SLC35F2: variants seen among roughly 807,000 people sequenced by gnomAD.
The protein encoded by SLC35F2 is solute carrier family 35 member F2.
A neutral mutation model predicts 38.1 loss-of-function variants in SLC35F2; 25 were observed. The observed-to-expected ratio is 0.66, with a 90% CI of 0.48 to 0.92. The LOEUF (loss-of-function observed/expected upper bound fraction) is 0.92, where lower values mean the gene tolerates loss of function less well. Ranked by LOEUF, SLC35F2 falls within the 40% of genes least tolerant of loss-of-function variation. The pLI is 0.00. For missense variants in SLC35F2, 409 were observed against 452.9 expected (o/e 0.90, Z 0.88); for synonymous variants, 173 against 181.7 (o/e 0.95, Z 0.38).
chr11:107,827,130 T>G (rs914762334), intron 1 of SLC35F2, among the ~76,000 whole-genome samples: 3 of 152,176 alleles, frequency 2.0e-5, no homozygotes, highest in African/African-American at 7.2e-5. Flanking sequence ...TTAAAAACCT[T>G]ATAGTTTTGA....
At position 107,803,942 on chromosome 11, in the gene SLC35F2, C is replaced by T. The variant is rs553011837; in HGVS notation, c.784+776G>A. ...CCAGGTTCAAGTGATTCTCCTGTCT[C>T]AGCCTCCCGAGTAGCTGAGATTATA... On this transcript the variant is annotated intron_variant, in intron 6 of 7. Coordinates refer to ENST00000525815, the MANE Select transcript of SLC35F2 (RefSeq NM_017515.5). 8.5e-5 allele frequency among the ~76,000 whole-genome samples: 13 copies of T among 152,176 alleles called. No individual in the cohort carries two copies. The South Asian group carries it at 2.7e-3, about 32-fold the overall frequency.
At chr11:107,834,076 T>C (rs1324167625) in intron 1 of SLC35F2, among the ~76,000 whole-genome samples, 2 of 152,160 alleles carry the variant, frequency 1.3e-5, no homozygotes, top group African/African-American at 4.8e-5. Flanking sequence ...TTCAGTACCT[T>C]ATCAGTTAAT....
In SLC35F2 at chr11:107,842,021, G is replaced by A. The variant is rs182447706; in HGVS notation, c.110+16637C>T. Among the ~76,000 whole-genome samples the A allele has an allele frequency of 3.6e-4, 55 of 151,106 alleles. No individual in the cohort carries two copies. In the East Asian group the frequency reaches 0.011, roughly 30 times the overall value. On this transcript the variant is annotated intron_variant, in intron 1 of 7. Transcript: ENST00000525815. ...GTGGAGGTTGCAGTGAGCTGAGATC[G>A]TGCCACTGCACTCCAGCCTAGGTGA...
intron 1 of SLC35F2, chr11:107,840,617 T>C (rs1020579785): frequency 6.6e-6 from 1 of 152,198 alleles, no homozygotes. Flanking sequence ...TCAACTGGCA[T>C]GCAGCTGGAA....
chr11:107,818,647 C>T (rs1300729060), intron 1 of SLC35F2, among the ~76,000 whole-genome samples: 1 of 152,146 alleles, frequency 6.6e-6, no homozygotes, highest in African/African-American at 2.4e-5. Flanking sequence ...TTTGAGAGGG[C>T]CATCCATATT....
At position 107,843,866 on chromosome 11, in the gene SLC35F2, AAAATATATATATATATAT is replaced by A. The variant is rs1298701917; in HGVS notation, c.110+14774_110+14791del. 7.9e-3 allele frequency among the ~76,000 whole-genome samples: 305 copies of A among 38,490 alleles called. 5 individuals carry two copies. The highest frequency in any genetic ancestry group is 0.016 in the South Asian group (14 of 870). 25.3% of individuals were successfully genotyped at this position (38,490 alleles called of 152,430 possible). A position where few individuals can be genotyped will look rare whatever the true frequency, so the allele number is the denominator to read the frequency against. On this transcript the variant is annotated intron_variant, in intron 1 of 7. Coordinates refer to ENST00000525815, the MANE Select transcript of SLC35F2 (RefSeq NM_017515.5). ...TATCTTAAAAAAAAAAAAAAAAAAA[AAAATATATATATATATAT>A]ATATATATATATATATATATATATG... is the stretch of plus-strand genomic sequence containing the variant.
At chr11:107,808,778 C>T (rs989900565) in intron 3 of SLC35F2, among the ~76,000 whole-genome samples, 10 of 152,148 alleles carry the variant, frequency 6.6e-5, no homozygotes, top group African/African-American at 2.2e-4. Context: ...AAACATTAAA[C>T]GATGCAAATG....
At position 107,792,582 on chromosome 11, in the gene SLC35F2, C is replaced by G. The variant is rs755966535; in HGVS notation, c.*33G>C. The G allele has an allele frequency of 5.2e-5, 82 of 1,571,764 alleles. No homozygotes were observed. The highest frequency in any genetic ancestry group is 6.3e-5 in the Non-Finnish European group (73 of 1,160,482). On this transcript the variant is annotated 3_prime_UTR_variant, in exon 8 of 8. Coordinates refer to ENST00000525815, the MANE Select transcript of SLC35F2 (RefSeq NM_017515.5). ...CAGCAGGCAGCAGGCTCTGCTTTAT[C>G]CTGGTGGGGGATGGGTGCGCCATCT...
rs542966970 is a variant in SLC35F2 at position 107,795,282 on chromosome 11, T to C, written c.940-2482A>G. Among the ~76,000 whole-genome samples the C allele has an allele frequency of 7.2e-5, 11 of 152,160 alleles. No individual in the cohort carries two copies. The South Asian group carries it at 2.3e-3, about 32-fold the overall frequency. On this transcript the variant is annotated intron_variant, in intron 7 of 7. Coordinates refer to ENST00000525815, the MANE Select transcript of SLC35F2 (RefSeq NM_017515.5). Reference sequence around the variant, plus strand: ...GCATGGTATTAGTATAAAATGAAAATGAACTCCTATCTCTCACCATATAAA... The same window carrying C: ...GCATGGTATTAGTATAAAATGAAAACGAACTCCTATCTCTCACCATATAAA...
At chr11:107,840,369 A>C (rs1336095048) in intron 1 of SLC35F2, among the ~76,000 whole-genome samples, 2 of 152,202 alleles carry the variant, frequency 1.3e-5, no homozygotes, top group Non-Finnish European at 2.9e-5. Context: ...GAGCACAAAC[A>C]AACCCTGTTC....
intron 2 of SLC35F2, among the ~76,000 whole-genome samples, chr11:107,814,894 A>C (rs1386602652): frequency 6.6e-6 from 1 of 152,084 alleles, no homozygotes; most frequent in African/African-American, 2.4e-5. Context: ...GGTTAGGAGC[A>C]AGGTAAGACC....
At chr11:107,836,344 G>T (rs28758793) in intron 1 of SLC35F2, among the ~76,000 whole-genome samples, 79,820 of 149,914 alleles carry the variant, frequency 0.53, 22,185 homozygotes, top group African/African-American at 0.72. Flanking sequence ...CTTTTTTTTT[G>T]TCTGGTGGGG....
At chr11:107,832,856 GA>G (rs1859867654) in intron 1 of SLC35F2, among the ~76,000 whole-genome samples, 1 of 152,132 alleles carries the variant, frequency 6.6e-6, no homozygotes, top group Admixed American at 6.6e-5. Context: ...ACAGGGACTA[GA>G]AGAAAATATA....
chr11:107,810,804 T>C (rs940321791), intron 3 of SLC35F2: 2 of 981,018 alleles, frequency 2.0e-6, no homozygotes, highest in Middle Eastern at 5.2e-4. Flanking sequence ...AATCCTTATA[T>C]TTTCTATGCG....
At position 107,806,894 on chromosome 11, in the gene SLC35F2, C is replaced by G; in HGVS notation, c.415-18G>C. 1.9e-6 allele frequency: 3 copies of G among 1,611,278 alleles called. No homozygotes were observed. The highest frequency in any genetic ancestry group is 2.5e-6 in the Non-Finnish European group (3 of 1,178,300). ...TCCAAAAGCTGCATGGAAAGAGAAT[C>G]AACAGTTTAAAACATATCTCTCATT... On this transcript the variant is annotated intron_variant, in intron 3 of 7. Transcript: ENST00000525815.
chr11:107,797,070 A>T (rs1426054765), intron 7 of SLC35F2, among the ~76,000 whole-genome samples: 1 of 152,184 alleles, frequency 6.6e-6, no homozygotes, highest in Non-Finnish European at 1.5e-5. Flanking sequence ...TTGAAATGAT[A>T]AATACTCGAG....
intron 1 of SLC35F2, among the ~76,000 whole-genome samples, chr11:107,827,165 T>G (rs770753597): frequency 1.5e-4 from 23 of 152,182 alleles, no homozygotes; most frequent in Admixed American, 9.8e-4. Flanking sequence ...TACAATTGAC[T>G]CATGAGTACT....
intron 1 of SLC35F2, among the ~76,000 whole-genome samples, chr11:107,858,305 C>T (rs1224979848): frequency 6.6e-6 from 1 of 152,116 alleles, no homozygotes; most frequent in African/African-American, 2.4e-5. Context: ...CTGCCCAGCC[C>T]GAGGTGGGCA....
intron 5 of SLC35F2, 23 bp downstream of exon 5, chr11:107,805,336 A>G: frequency 5.7e-6 from 9 of 1,581,312 alleles, no homozygotes; most frequent in Non-Finnish European, 7.7e-6. Context: ...TTTTGTCTTT[A>G]GAAAAAAATT....
Sources: gnomAD v4.1 joint callset for allele counts (sites outside exome capture counted in the v4.1 genomes callset) on GRCh38, gnomAD v4.1.1 for gene constraint, MANE v1.5 for transcripts, NCBI Gene and HGNC (gene_info 2026-07-23, HGNC 2026-07-21) for gene names.